IMPA2: variants seen among roughly 807,000 people sequenced by gnomAD.
IMPA2 encodes inositol monophosphatase 2, also known as IMP 2.
A neutral mutation model predicts 35.1 loss-of-function variants in IMPA2; 32 were observed. The observed-to-expected ratio is 0.91, with a 90% CI of 0.69 to 1.23. The LOEUF (loss-of-function observed/expected upper bound fraction) is 1.23, where lower values mean the gene tolerates loss of function less well. Ranked by LOEUF, IMPA2 falls within the 50% of genes most tolerant of loss-of-function variation. The pLI is 0.00. For missense variants in IMPA2, 334 were observed against 387.6 expected, an observed-to-expected ratio of 0.86 and a Z score of 1.16; for synonymous variants, 135 against 160.6, an observed-to-expected ratio of 0.84 and a Z score of 1.20.
intron 1 of IMPA2, among the ~76,000 whole-genome samples, chr18:11,982,661 G>A (rs749199749): frequency 7.9e-5 from 12 of 152,146 alleles, no homozygotes; most frequent in Non-Finnish European, 1.5e-4. Flanking sequence ...GGGCATGGTG[G>A]CGCGTGCCTT....
chr18:12,026,504 C>T (rs583965), intron 5 of IMPA2, among the ~76,000 whole-genome samples: 60,724 of 151,992 alleles, frequency 0.4, 12,696 homozygotes, highest in East Asian at 0.74. Context: ...ACAAAGACTC[C>T]AATCCTACCT....
chr18:12,015,292 C>T (rs888861604), intron 5 of IMPA2, among the ~76,000 whole-genome samples: 5 of 152,206 alleles, frequency 3.3e-5, no homozygotes, highest in Non-Finnish European at 4.4e-5. Flanking sequence ...GCCTCCCTGC[C>T]GCCTCCCCTC....
At chr18:12,009,826 AG>A in intron 2 of IMPA2, 56 bp from the exon 3 acceptor site, 1 of 1,338,476 alleles carries the variant, frequency 7.5e-7, no homozygotes, top group Non-Finnish European at 1.1e-6. Context: ...AAGCAATTTC[AG>A]GCACGTTATT....
At chr18:11,999,970 A>T (rs1165762207) in intron 2 of IMPA2, among the ~76,000 whole-genome samples, 2 of 152,090 alleles carry the variant, frequency 1.3e-5, no homozygotes, top group Admixed American at 6.5e-5. Context: ...CATGCAAGGG[A>T]TCTTTTTTCT....
chr18:12,025,296 C>G lies in IMPA2; in HGVS notation c.491-2747C>G, dbSNP rs145363015. Among the ~76,000 whole-genome samples, 16 of 152,334 alleles carry G rather than the reference C, an allele frequency of 1.1e-4. No homozygotes were observed. In the East Asian group the frequency reaches 1.9e-3, roughly 18 times the overall value. On this transcript the variant is annotated intron_variant, in intron 5 of 7. Transcript: ENST00000269159. ...CTACTAAAGGACATCTTGGTTGCTT[C>G]TAAGTGTTGGCAGTTATGAATAAAT...
chr18:12,029,410 G>A (rs547633774), intron 7 of IMPA2, among the ~76,000 whole-genome samples: 4 of 150,822 alleles, frequency 2.7e-5, no homozygotes, highest in African/African-American at 9.8e-5. Flanking sequence ...CACTATGCCC[G>A]ACCCCATTCC....
intron 2 of IMPA2, among the ~76,000 whole-genome samples, chr18:12,006,747 A>T (rs1383424214): frequency 6.6e-6 from 1 of 152,212 alleles, no homozygotes. Flanking sequence ...CATCCCAGGC[A>T]TGAACTTCAT....
intron 2 of IMPA2, among the ~76,000 whole-genome samples, 194 bp from the exon 3 acceptor site, chr18:12,009,689 G>C (rs1907378357): frequency 6.6e-6 from 1 of 152,190 alleles, no homozygotes; most frequent in Non-Finnish European, 1.5e-5. Context: ...TCTAAATCCT[G>C]CTGAGTAGGT....
Position 12,014,378 on chromosome 18 carries a change from G to T in IMPA2, c.490+5G>T. The T allele has an allele frequency of 6.5e-7, 1 of 1,526,912 alleles. No homozygotes were observed. The highest frequency in any genetic ancestry group is 1.2e-5 in the South Asian group (1 of 84,640). 94.6% of individuals were successfully genotyped at this position (1,526,912 alleles called of 1,614,324 possible). On this transcript the variant is annotated splice_donor_5th_base_variant and intron_variant, in intron 5 of 7. Coordinates refer to ENST00000269159, the MANE Select transcript of IMPA2 (RefSeq NM_014214.3). ...TCCGGGTCTCCGGGGAGACAGGTGG[G>T]CTTCACAACGCTCGTCTCAGTTTAC... is the stretch of plus-strand genomic sequence containing the variant.
At chr18:12,007,424 T>C (rs1057233987) in intron 2 of IMPA2, among the ~76,000 whole-genome samples, 4 of 152,162 alleles carry the variant, frequency 2.6e-5, no homozygotes, top group Non-Finnish European at 5.9e-5. Context: ...CCATTCACAC[T>C]CAAGTCTCCA....
chr18:12,022,513 C>T (rs1907756468), intron 5 of IMPA2, among the ~76,000 whole-genome samples: 2 of 55,524 alleles, frequency 3.6e-5, no homozygotes, highest in Non-Finnish European at 1.0e-4. Flanking sequence ...CAGAATGGGG[C>T]TCCATCTCAA....
At chr18:12,022,381 A>G (rs1255257243) in intron 5 of IMPA2, among the ~76,000 whole-genome samples, 2 of 151,642 alleles carry the variant, frequency 1.3e-5, no homozygotes, top group African/African-American at 4.8e-5. Context: ...AAAATACAAA[A>G]AAAATTAGCC....
chr18:11,999,227 G>T (rs915452626), intron 2 of IMPA2, 40 bp downstream of exon 2: 8 of 1,597,094 alleles, frequency 5.0e-6, no homozygotes, highest in African/African-American at 2.7e-5. Flanking sequence ...AGTAACCCTG[G>T]CCACACTCAT....
intron 5 of IMPA2, among the ~76,000 whole-genome samples, chr18:12,022,556 T>TATATATATATATATATATATATATAC (rs1568038109): frequency 6.9e-6 from 1 of 143,956 alleles, no homozygotes; most frequent in Non-Finnish European, 1.5e-5. Flanking sequence ...TATATATATA[T>TATATATATATATATATATATATATAC]TTGTGTGTGT....
intron 5 of IMPA2, among the ~76,000 whole-genome samples, chr18:12,016,581 G>T (rs180742290): frequency 3.4e-4 from 52 of 152,160 alleles, no homozygotes; most frequent in African/African-American, 1.2e-3. Context: ...CACCACACCT[G>T]ACTAATTTTG....
chr18:11,997,519 C>T (rs1382450374), intron 1 of IMPA2, among the ~76,000 whole-genome samples: 1 of 152,188 alleles, frequency 6.6e-6, no homozygotes, highest in Non-Finnish European at 1.5e-5. Context: ...CAAAAACTGC[C>T]TTGGCTCAGT....
chr18:12,025,920 T>G (rs1907870203), intron 5 of IMPA2, among the ~76,000 whole-genome samples: 1 of 152,148 alleles, frequency 6.6e-6, no homozygotes, highest in Non-Finnish European at 1.5e-5. Context: ...GTGGAGCATC[T>G]TTCTATATGC....
intron 2 of IMPA2, chr18:12,008,357 G>A (rs1219863034): frequency 1.9e-6 from 1 of 518,846 alleles, no homozygotes; most frequent in East Asian, 5.4e-5. Context: ...TAGTACACAT[G>A]TGAACCCGGC....
intron 5 of IMPA2, among the ~76,000 whole-genome samples, chr18:12,022,941 A>ATTTTTTTTTT (rs35737614): frequency 0.017 from 1,383 of 81,672 alleles, 1 homozygote; most frequent in Non-Finnish European, 0.025. Flanking sequence ...CGCCTGCCTA[A>ATTTTTTTTTT]TTTTTTTTTT....
Sources: gnomAD v4.1 joint callset for allele counts (sites outside exome capture counted in the v4.1 genomes callset) on GRCh38, gnomAD v4.1.1 for gene constraint, MANE v1.5 for transcripts, NCBI Gene and HGNC (gene_info 2026-07-23, HGNC 2026-07-21) for gene names.